The following TRMT11 variants were observed in gnomAD, a reference collection of about 807,000 sequenced individuals.
TRMT11 encodes tRNA methyltransferase 11.
In TRMT11, 53 loss-of-function variants were observed where a neutral mutation model predicts 62.8. The ratio of observed to expected loss-of-function variants is 0.84; its 90% CI spans 0.68 to 1.06. The LOEUF (loss-of-function observed/expected upper bound fraction) is 1.06, where lower values mean the gene tolerates loss of function less well. Ranked by LOEUF, TRMT11 falls within the 50% of genes least tolerant of loss-of-function variation. The probability of loss-of-function intolerance (pLI) is 0.00; values close to 1 mark genes in which losing one functional copy is unlikely to be tolerated. For synonymous variants in TRMT11, 188 were observed against 190.3 expected (o/e 0.99, Z 0.10); for missense variants, 556 against 553.4 (o/e 1.00, Z -0.05).
intron 17 of TRMT11, among the ~76,000 whole-genome samples, chr6:126,058,435 T>A (rs560319361): frequency 3.3e-5 from 5 of 152,238 alleles, no homozygotes; most frequent in Non-Finnish European, 5.9e-5. Flanking sequence ...TGTGTCTTTA[T>A]AGTAGAATGA....
chr6:126,269,023 AG>A, the TRMT11 span, among the ~76,000 whole-genome samples: 1 of 152,038 alleles, frequency 6.6e-6, no homozygotes, highest in East Asian at 1.9e-4. Flanking sequence ...GCACTTTGGG[AG>A]GCCGAGGCGG....
In TRMT11 at chr6:126,120,126, T is replaced by G. The variant is rs549153127; in HGVS notation, c.*1823+4271T>G. On this transcript the variant is annotated intron_variant and NMD_transcript_variant, in intron 21 of 22. Coordinates refer to the TRMT11 transcript ENST00000648977. ...TCATCACTACTAAAAATAAAAAAAA[T>G]TAGCCAGGTGTGGTGGCGCATGCCT... is the stretch of plus-strand genomic sequence containing the variant. 5.5e-4 allele frequency among the ~76,000 whole-genome samples: 83 copies of G among 151,884 alleles called. 1 individual carries two copies. The highest frequency in any genetic ancestry group is 1.9e-3 in the African/African-American group (80 of 41,426).
chr6:126,180,358 G>A (rs1340073012), intron 1 of TRMT11, among the ~76,000 whole-genome samples: 1 of 152,130 alleles, frequency 6.6e-6, no homozygotes, highest in East Asian at 1.9e-4. Flanking sequence ...AGTAATTATT[G>A]CCATTAGCCA....
At chr6:126,220,882 T>A in the TRMT11 span, among the ~76,000 whole-genome samples, 1 of 152,216 alleles carries the variant, frequency 6.6e-6, no homozygotes, top group East Asian at 1.9e-4. Context: ...TAGTAACTGA[T>A]AGGTAGTTTT....
chr6:126,101,836 A>G (rs967785815), intron 17 of TRMT11, among the ~76,000 whole-genome samples: 3 of 152,204 alleles, frequency 2.0e-5, no homozygotes, highest in Non-Finnish European at 4.4e-5. Context: ...CATTCAAGCC[A>G]GATGCCAATT....
At chr6:126,011,985 T>A (rs1794281521) in intron 9 of TRMT11, among the ~76,000 whole-genome samples, 1 of 152,090 alleles carries the variant, frequency 6.6e-6, no homozygotes, top group South Asian at 2.1e-4. Context: ...CCTCATGAGG[T>A]CGTGAGTTTT....
intron 1 of TRMT11, among the ~76,000 whole-genome samples, chr6:125,988,864 A>G (rs1790116848): frequency 6.6e-6 from 1 of 152,214 alleles, no homozygotes; most frequent in Non-Finnish European, 1.5e-5. Context: ...GCATTGATGC[A>G]GTATTAATGT....
chr6:126,264,878 A>G, the TRMT11 span, among the ~76,000 whole-genome samples: 1 of 152,010 alleles, frequency 6.6e-6, no homozygotes, highest in African/African-American at 2.4e-5. Context: ...ATATAATCCC[A>G]TTCTTTTAAA....
At chr6:126,066,701 C>T (rs919118579) in intron 17 of TRMT11, among the ~76,000 whole-genome samples, 1 of 152,070 alleles carries the variant, frequency 6.6e-6, no homozygotes, top group Admixed American at 6.6e-5. Flanking sequence ...ATACTCCATT[C>T]CTTTGCCTAG....
At chr6:126,206,333 G>C (rs1460421888), downstream of TRMT11, among the ~76,000 whole-genome samples, 1 of 152,080 alleles carries the variant, frequency 6.6e-6, no homozygotes, top group African/African-American at 2.4e-5. Flanking sequence ...AGATCTTAGG[G>C]ATCTTGTTAA....
At chr6:126,026,535 T>C (rs556547426) in intron 12 of TRMT11, among the ~76,000 whole-genome samples, 62 of 151,896 alleles carry the variant, frequency 4.1e-4, no homozygotes, top group African/African-American at 1.4e-3. Context: ...TACAGGCGTG[T>C]GCCACCATGC....
the TRMT11 span, among the ~76,000 whole-genome samples, chr6:126,241,741 A>G: frequency 5.3e-5 from 8 of 152,234 alleles, no homozygotes; most frequent in Non-Finnish European, 8.8e-5. Flanking sequence ...ACGAAATACA[A>G]CAATGCTTCA....
intron 17 of TRMT11, among the ~76,000 whole-genome samples, chr6:126,077,973 T>C (rs1186592622): frequency 1.3e-5 from 2 of 152,144 alleles, no homozygotes; most frequent in Non-Finnish European, 2.9e-5. Flanking sequence ...GACACATCCT[T>C]AGTTTCAAGA....
In TRMT11 at chr6:126,000,754, T is replaced by C. The variant is rs139738061; in HGVS notation, c.679+1141T>C. Among the ~76,000 whole-genome samples the C allele has an allele frequency of 7.9e-5, 12 of 152,256 alleles. No individual in the cohort carries two copies. The East Asian group carries it at 2.3e-3, about 29-fold the overall frequency. ...TGATGGAATAACTTTCTCTGTTTATTGTTGAGTTAATTCACTGGTGAGTCT... is the reference window on the plus strand; with the variant it reads ...TGATGGAATAACTTTCTCTGTTTATCGTTGAGTTAATTCACTGGTGAGTCT... On this transcript the variant is annotated intron_variant, in intron 7 of 12. Transcript: ENST00000334379.
chr6:126,016,714 TGTC>T (rs1795033053), intron 11 of TRMT11, among the ~76,000 whole-genome samples: 3 of 151,608 alleles, frequency 2.0e-5, no homozygotes, highest in Non-Finnish European at 4.4e-5. Context: ...TTTTTTTTTT[TGTC>T]TTAGATGTTT....
At chr6:126,237,177 A>G in the TRMT11 span, among the ~76,000 whole-genome samples, 3 of 152,116 alleles carry the variant, frequency 2.0e-5, no homozygotes, top group African/African-American at 2.4e-5. Context: ...TTTCCGGGAA[A>G]CCAGACACTG....
chr6:126,025,299 T>C (rs906575713), intron 12 of TRMT11, among the ~76,000 whole-genome samples: 3 of 152,196 alleles, frequency 2.0e-5, no homozygotes, highest in Admixed American at 1.3e-4. Context: ...AACTGGGCTT[T>C]TGAGAATTTT....
chr6:126,080,635 A>G (rs2128156335), intron 17 of TRMT11, among the ~76,000 whole-genome samples: 1 of 152,252 alleles, frequency 6.6e-6, no homozygotes, highest in Middle Eastern at 3.4e-3. Flanking sequence ...GCACTGTGGA[A>G]AAGGAAATGC....
intron 11 of TRMT11, among the ~76,000 whole-genome samples, chr6:126,015,918 C>G (rs375825141): frequency 6.6e-6 from 1 of 152,242 alleles, no homozygotes; most frequent in South Asian, 2.1e-4. Flanking sequence ...GTAGGAATAC[C>G]ACAAACATGA....
Sources: allele counts gnomAD v4.1 joint callset (sites outside exome capture counted in the v4.1 genomes callset), GRCh38; gene constraint gnomAD v4.1.1; transcripts MANE v1.5; gene names NCBI Gene and HGNC (gene_info 2026-07-23, HGNC 2026-07-21).